Variants in ADCY1 observed in about 807,000 individuals in gnomAD.
The protein encoded by ADCY1 is adenylate cyclase type 1.
ADCY1 carries 28 observed loss-of-function variants against 105.4 expected under a neutral mutation model. The observed-to-expected ratio is 0.27, with a 90% CI of 0.20 to 0.36. The LOEUF (loss-of-function observed/expected upper bound fraction) is 0.36, where lower values mean the gene tolerates loss of function less well. Among genes scored for constraint, ADCY1 ranks in the 10% least tolerant of loss-of-function variants. The pLI, the probability that ADCY1 is intolerant of heterozygous loss-of-function variation, is 1.00. For missense variants in ADCY1, 977 were observed against 1,434.2 expected (o/e 0.68, Z 5.15); for synonymous variants, 655 against 623.8 (o/e 1.05, Z -0.75).
chr7:45,583,614 T>C (rs530975591), intron 1 of ADCY1, among the ~76,000 whole-genome samples: 56 of 152,278 alleles, frequency 3.7e-4, no homozygotes, highest in African/African-American at 1.2e-3. Context: ...CCTGGCTTCC[T>C]GGTGCTTGGC....
intron 8 of ADCY1, among the ~76,000 whole-genome samples, chr7:45,675,359 A>G (rs1404415986): frequency 6.6e-6 from 1 of 152,096 alleles, no homozygotes; most frequent in Admixed American, 6.5e-5. Context: ...TATTTCCTCT[A>G]TATATATCAG....
chr7:45,711,405 T>G (rs1323870422), intron 19 of ADCY1, among the ~76,000 whole-genome samples: 4 of 151,876 alleles, frequency 2.6e-5, no homozygotes, highest in African/African-American at 9.7e-5. Context: ...TTCATGGAGC[T>G]CTCCTCTCCT....
Position 45,591,226 on chromosome 7 carries a change from T to C in ADCY1, c.640-1533T>C, listed in dbSNP as rs1792906801. On this transcript the variant is annotated intron_variant, in intron 1 of 19. Transcript: ENST00000297323. The surrounding 1 kb of genome is among the most constrained non-coding windows in gnomAD (Gnocchi z 4.1). ...CCCTGCCCCTGGTCAGTCTCAGCTC[T>C]CCTACCTGCTCCTCAGCCCCAGCAT... is the stretch of plus-strand genomic sequence containing the variant. Among the ~76,000 whole-genome samples the C allele has an allele frequency of 6.6e-6, 1 of 152,148 alleles. No homozygotes were observed. The highest frequency in any genetic ancestry group is 1.5e-5 in the Non-Finnish European group (1 of 68,016).
intron 14 of ADCY1, among the ~76,000 whole-genome samples, chr7:45,687,512 C>A (rs190728261): frequency 5.2e-4 from 79 of 152,318 alleles, no homozygotes; most frequent in African/African-American, 1.8e-3. Context: ...GGTTCAAATC[C>A]CATTTGTGGA....
Position 45,609,926 on chromosome 7 carries a change from A to G in ADCY1, c.790-453A>G, listed in dbSNP as rs929724970. The stretch of plus-strand genomic sequence containing the variant: ...AAGACAAAGACCAAGAAAGAATGCC[A>G]CATGGTCCCGTAGCCCGCCTATCTG... On this transcript the variant is annotated intron_variant, in intron 2 of 19. Coordinates refer to ENST00000297323, the MANE Select transcript of ADCY1 (RefSeq NM_021116.4). 2.6e-5 allele frequency among the ~76,000 whole-genome samples: 4 copies of G among 152,372 alleles called. No homozygotes were observed. In the East Asian group the frequency reaches 7.7e-4, roughly 29 times the overall value.
intron 1 of ADCY1, among the ~76,000 whole-genome samples, chr7:45,587,295 G>T (rs1792760120): frequency 6.6e-6 from 1 of 152,232 alleles, no homozygotes; most frequent in African/African-American, 2.4e-5. Flanking sequence ...TGGCATGGCA[G>T]ACAGGTCAGA....
intron 14 of ADCY1, among the ~76,000 whole-genome samples, chr7:45,687,166 C>G (rs1218553172): frequency 6.6e-6 from 1 of 152,166 alleles, no homozygotes; most frequent in Non-Finnish European, 1.5e-5. Flanking sequence ...AATTCTGACA[C>G]AAGAGGCATA....
intron 1 of ADCY1, among the ~76,000 whole-genome samples, chr7:45,579,950 C>G (rs1369518186): frequency 8.6e-4 from 129 of 149,978 alleles, no homozygotes; most frequent in African/African-American, 2.9e-3. Context: ...CCCCGTCCCC[C>G]CCTTCCCCCT....
rs374487763 is a variant in ADCY1, at chr7:45,686,677, A to T, written c.2454+4A>T. 8 of 1,593,066 alleles carry T rather than the reference A, an allele frequency of 5.0e-6. No individual in the cohort carries two copies. The African/African-American group carries it at 1.1e-4, about 21-fold the overall frequency. On this transcript the variant is annotated splice_donor_region_variant and intron_variant, in intron 14 of 19. Coordinates refer to ENST00000297323, the MANE Select transcript of ADCY1 (RefSeq NM_021116.4). The surrounding 1 kb of genome is among the most constrained non-coding windows in gnomAD (Gnocchi z 4.3). ...GGACTACCTCTGGGCCGCACAGGCA[A>T]GACGAGCCCTTTCTGCTTTCTGGGG...
intron 4 of ADCY1, 98 bp from the exon 5 acceptor site, chr7:45,648,572 C>T (rs1794727941): frequency 3.3e-6 from 5 of 1,535,216 alleles, no homozygotes; most frequent in Admixed American, 1.8e-5. Flanking sequence ...CTTGCCAGCG[C>T]TCTGTGGCCA....
chr7:45,582,669 C>G (rs566166875), intron 1 of ADCY1, among the ~76,000 whole-genome samples: 6 of 152,264 alleles, frequency 3.9e-5, no homozygotes, highest in African/African-American at 1.4e-4. Context: ...CCCTTTAACC[C>G]TTCAGCTCCC....
intron 4 of ADCY1, among the ~76,000 whole-genome samples, chr7:45,624,870 C>G (rs751002487): frequency 2.0e-5 from 3 of 152,184 alleles, no homozygotes; most frequent in Non-Finnish European, 2.9e-5. Flanking sequence ...TGATGCTGGG[C>G]CCTCCACTCC....
chr7:45,637,540 A>G (rs2116007667), intron 4 of ADCY1, among the ~76,000 whole-genome samples: 1 of 152,118 alleles, frequency 6.6e-6, no homozygotes, highest in East Asian at 1.9e-4. Context: ...TGGACAACAT[A>G]ATGAGACCCC....
chr7:45,602,847 A>G (rs2115827358), intron 2 of ADCY1, among the ~76,000 whole-genome samples: 1 of 152,376 alleles, frequency 6.6e-6, no homozygotes, highest in South Asian at 2.1e-4. Context: ...TATTTAATAC[A>G]TATGTCAAAT....
intron 1 of ADCY1, among the ~76,000 whole-genome samples, chr7:45,589,432 G>A (rs762330642): frequency 2.6e-5 from 4 of 152,206 alleles, no homozygotes; most frequent in African/African-American, 9.6e-5. Context: ...TGAGTAGCTC[G>A]TGGTGACCCG....
intron 1 of ADCY1, among the ~76,000 whole-genome samples, chr7:45,584,419 A>G (rs1339472984): frequency 1.3e-5 from 2 of 152,192 alleles, no homozygotes; most frequent in East Asian, 1.9e-4. Context: ...CCGAGTGTGG[A>G]GATGTCAGGC....
intron 3 of ADCY1, among the ~76,000 whole-genome samples, chr7:45,613,551 A>T (rs1027629551): frequency 2.0e-5 from 3 of 152,116 alleles, no homozygotes; most frequent in Admixed American, 6.5e-5. Context: ...TTATATATAT[A>T]TTTTCATCAT....
At position 45,703,866 on chromosome 7, in the gene ADCY1, C is replaced by A; in HGVS notation, c.2718+120C>A. 2.2e-6 allele frequency: 3 copies of A among 1,379,264 alleles called. No homozygotes were observed. Among genetic ancestry groups the A allele is most frequent in the Non-Finnish European group, 2.9e-6 (3 of 1,025,604 alleles). 85.4% of individuals were successfully genotyped at this position (1,379,264 alleles called of 1,614,324 possible). A position where few individuals can be genotyped will look rare whatever the true frequency, so the allele number is the denominator to read the frequency against. Reference sequence around the variant, plus strand: ...GTAGCTGGAATGAGAGAAAGCAAATCCCGGGAAGCACAGGCATTCTGTCTC... The same window carrying A: ...GTAGCTGGAATGAGAGAAAGCAAATACCGGGAAGCACAGGCATTCTGTCTC... On this transcript the variant is annotated intron_variant, in intron 16 of 19. Coordinates refer to ENST00000297323, the MANE Select transcript of ADCY1 (RefSeq NM_021116.4). This position sits in a 1 kb window ranked among gnomAD's most constrained non-coding sequence, Gnocchi z 5.9.
Position 45,662,119 on chromosome 7 carries a change from G to C in ADCY1, c.1510G>C (p.Val504Leu). 1 of 1,614,158 alleles carries C rather than the reference G, an allele frequency of 6.2e-7. No individual in the cohort carries two copies. Among genetic ancestry groups the C allele is most frequent in the Non-Finnish European group, 8.5e-7 (1 of 1,180,016 alleles). Residue 504 changes from valine (V) to leucine (L), a missense_variant, in exon 8 of 20, where the codon GTC becomes CTC. Val to Leu is a conservative substitution (Grantham distance 32). Around this residue, in one of 7 missense-constraint regions of ADCY1, gnomAD observed 66 missense variants for 127.2 expected, o/e 0.52. Transcript: ENST00000297323. ...KPAKRMKFKT[V>L]CYLLVQLMHC... ...GGCCAAAAGGATGAAGTTCAAGACTGTCTGCTACCTGCTGGTGCAGCTCAT... is the reference window on the plus strand; with the variant it reads ...GGCCAAAAGGATGAAGTTCAAGACTCTCTGCTACCTGCTGGTGCAGCTCAT...
Sources: allele counts gnomAD v4.1 joint callset (sites outside exome capture counted in the v4.1 genomes callset), GRCh38; gene constraint gnomAD v4.1.1; regional missense constraint gnomAD v4.1.1; non-coding constraint Gnocchi (gnomAD v3.1); transcripts MANE v1.5; gene names NCBI Gene and HGNC (gene_info 2026-07-23, HGNC 2026-07-21).